The following MYO18B variants were observed in gnomAD, a reference collection of about 807,000 sequenced individuals.
The protein encoded by MYO18B is myosin XVIIIB.
A neutral mutation model predicts 273.0 loss-of-function variants in MYO18B; 204 were observed. That is an observed-to-expected ratio of 0.75 (90% CI 0.67 to 0.84). MYO18B has a LOEUF of 0.84. Among genes scored for constraint, MYO18B ranks in the 40% least tolerant of loss-of-function variants. The pLI is 0.00. For synonymous variants in MYO18B, 1,330 were observed against 1,305.7 expected, an observed-to-expected ratio of 1.02 and a Z score of -0.40; for missense variants, 3,212 against 3,287.6, an observed-to-expected ratio of 0.98 and a Z score of 0.56.
At chr22:25,783,880 A>C (rs751284170) in intron 10 of MYO18B, among the ~76,000 whole-genome samples, 1 of 152,152 alleles carries the variant, frequency 6.6e-6, no homozygotes, top group Admixed American at 6.5e-5. Context: ...TGTCATTCTG[A>C]AGCCTCATTG....
intron 21 of MYO18B, among the ~76,000 whole-genome samples, chr22:25,860,625 G>A (rs1047220941): frequency 6.6e-6 from 1 of 152,018 alleles, no homozygotes; most frequent in Non-Finnish European, 1.5e-5. Flanking sequence ...CTACATATTT[G>A]GAACTTTCTC....
rs150833718 is a variant in MYO18B at position 25,913,686 on chromosome 22, T to C, written c.5364+2636T>C. 9.1e-3 allele frequency among the ~76,000 whole-genome samples: 1,382 copies of C among 152,336 alleles called. 16 individuals carry two copies. The highest frequency in any genetic ancestry group is 0.031 in the African/African-American group (1,281 of 41,578). Reference sequence around the variant, plus strand: ...CCTGGCCGATTGTGGCTTTTTCTTATGTGAATTGCCTATTCATAGAAGTTT... The same window carrying C: ...CCTGGCCGATTGTGGCTTTTTCTTACGTGAATTGCCTATTCATAGAAGTTT... On this transcript the variant is annotated intron_variant, in intron 33 of 43. Transcript: ENST00000335473.
chr22:25,826,335 A>T, intron 13 of MYO18B, 74 bp from the exon 14 acceptor site: 1 of 1,094,472 alleles, frequency 9.1e-7, no homozygotes, highest in Non-Finnish European at 1.3e-6. Flanking sequence ...AGTGGTCCCT[A>T]CTGCTCTGCA....
the MYO18B span, among the ~76,000 whole-genome samples, chr22:26,058,294 T>C: frequency 6.6e-6 from 1 of 152,032 alleles, no homozygotes; most frequent in Non-Finnish European, 1.5e-5. Flanking sequence ...AGAGTAGGGA[T>C]AGGGACCACC....
chr22:25,807,300 A>G (rs1485173201), intron 12 of MYO18B, among the ~76,000 whole-genome samples: 1 of 152,264 alleles, frequency 6.6e-6, no homozygotes, highest in Non-Finnish European at 1.5e-5. Context: ...GTTAGAGCAC[A>G]GTCTAGAGTG....
At chr22:25,814,287 C>T (rs1179537607) in intron 12 of MYO18B, among the ~76,000 whole-genome samples, 1 of 133,548 alleles carries the variant, frequency 7.5e-6, no homozygotes, top group South Asian at 2.3e-4. Context: ...TGCTCCCAGG[C>T]ACCGTTCTTT....
At chr22:25,840,532 G>T (rs757248951) in intron 17 of MYO18B, among the ~76,000 whole-genome samples, 7 of 152,276 alleles carry the variant, frequency 4.6e-5, no homozygotes, top group Admixed American at 1.3e-4. Context: ...AAGGCCAGCT[G>T]CATGGTGACA....
Position 25,883,101 on chromosome 22 carries a change from G to C in MYO18B, c.4314+5053G>C, listed in dbSNP as rs1473344030. 6.6e-6 allele frequency among the ~76,000 whole-genome samples: 1 copy of C among 151,894 alleles called. No homozygotes were observed. The highest frequency in any genetic ancestry group is 1.5e-5 in the Non-Finnish European group (1 of 68,000). On this transcript the variant is annotated intron_variant, in intron 25 of 43. Transcript: ENST00000335473. This position sits in a 1 kb window ranked among gnomAD's most constrained non-coding sequence, Gnocchi z 7.6. Reference sequence around the variant, plus strand: ...TTGGTAGAGATGGGGGTCTCACTTTGTTGCCCAGGTTGGTCTCCAATTCCT... The same window carrying C: ...TTGGTAGAGATGGGGGTCTCACTTTCTTGCCCAGGTTGGTCTCCAATTCCT...
chr22:25,801,961 C>A (rs910520), intron 12 of MYO18B, among the ~76,000 whole-genome samples: 129,659 of 151,858 alleles, frequency 0.85, 56,950 homozygotes, highest in Non-Finnish European at 0.97. Context: ...CCCAAGTACC[C>A]TGTGTTCCTG....
At chr22:25,837,541 G>T (rs563657184) in intron 17 of MYO18B, among the ~76,000 whole-genome samples, 27 of 152,334 alleles carry the variant, frequency 1.8e-4, no homozygotes, top group African/African-American at 6.5e-4. Flanking sequence ...TGTCCAACTG[G>T]AACAGTTTAT....
chr22:25,871,931 C>G (rs1344422668), intron 22 of MYO18B, among the ~76,000 whole-genome samples: 1 of 152,174 alleles, frequency 6.6e-6, no homozygotes, highest in Non-Finnish European at 1.5e-5. Flanking sequence ...CAGCACCCGC[C>G]ATCTATTGTA....
At chr22:25,919,958 A>G (rs1041031276) in intron 33 of MYO18B, among the ~76,000 whole-genome samples, 2 of 152,094 alleles carry the variant, frequency 1.3e-5, no homozygotes, top group African/African-American at 4.8e-5. Flanking sequence ...TCTCAACACG[A>G]AGGATAGGGT....
At chr22:25,817,814 C>T (rs1294460369) in intron 12 of MYO18B, among the ~76,000 whole-genome samples, 1 of 152,164 alleles carries the variant, frequency 6.6e-6, no homozygotes, top group African/African-American at 2.4e-5. Context: ...TGATATGATA[C>T]AATATTCATT....
At chr22:25,942,365 C>T (rs1479623082) in intron 34 of MYO18B, among the ~76,000 whole-genome samples, 1 of 152,246 alleles carries the variant, frequency 6.6e-6, no homozygotes, top group Non-Finnish European at 1.5e-5. Context: ...TGTCATTTTA[C>T]AGACTCCCAA....
At chr22:26,003,459 C>G in intron 41 of MYO18B, 150 bp downstream of exon 41, 2 of 732,458 alleles carry the variant, frequency 2.7e-6, no homozygotes, top group Non-Finnish European at 4.8e-6. Flanking sequence ...ACCTATAGCA[C>G]TAGGAACATC....
intron 31 of MYO18B, among the ~76,000 whole-genome samples, chr22:25,907,836 A>T (rs1176278358): frequency 1.3e-5 from 2 of 152,092 alleles, no homozygotes; most frequent in Admixed American, 1.3e-4. Context: ...GGAGTTTGAG[A>T]TCATCTTGAT....
At chr22:25,820,259 C>T (rs1445833078) in intron 12 of MYO18B, among the ~76,000 whole-genome samples, 1 of 151,676 alleles carries the variant, frequency 6.6e-6, no homozygotes, top group African/African-American at 2.4e-5. Flanking sequence ...GTAATTGGCA[C>T]ATTAGGAGGA....
At chr22:25,963,178 TCACACA>T (rs1555968886) in intron 39 of MYO18B, among the ~76,000 whole-genome samples, 1 of 144,074 alleles carries the variant, frequency 6.9e-6, no homozygotes, top group Non-Finnish European at 1.5e-5. Context: ...TCTCTCTCTC[TCACACA>T]CACACACACA....
chr22:25,927,291 T>C (rs1408238015), intron 34 of MYO18B, among the ~76,000 whole-genome samples: 1 of 152,192 alleles, frequency 6.6e-6, no homozygotes, highest in Non-Finnish European at 1.5e-5. Context: ...CGCTGAATTC[T>C]TTTTCTCAGC....
Sources: gnomAD v4.1 joint callset for allele counts (sites outside exome capture counted in the v4.1 genomes callset) on GRCh38, gnomAD v4.1.1 for gene constraint, Gnocchi (gnomAD v3.1) non-coding constraint, MANE v1.5 for transcripts, NCBI Gene and HGNC (gene_info 2026-07-23, HGNC 2026-07-21) for gene names.